KRT73: variants seen among roughly 807,000 people sequenced by gnomAD.
KRT73 encodes the protein keratin, type II cytoskeletal 73.
In KRT73, 44 loss-of-function variants were observed where a neutral mutation model predicts 47.2. That is an observed-to-expected ratio of 0.93 (90% confidence interval 0.73 to 1.20). The LOEUF is 1.20. Ranked by LOEUF, KRT73 falls within the 50% of genes most tolerant of loss-of-function variation. KRT73 has a pLI of 0.00. For missense variants in KRT73, 713 were observed against 704.5 expected, an observed-to-expected ratio of 1.01 and a Z score of -0.14; for synonymous variants, 285 against 291.3, an observed-to-expected ratio of 0.98 and a Z score of 0.22.
chr12:52,611,312 T>C lies in KRT73; in HGVS notation c.1002A>G (p.Leu334=), dbSNP rs773448049. Residue 334 remains leucine, a synonymous_variant, in exon 6 of 9, where the codon CTA becomes CTG. Transcript: ENST00000305748. The stretch of plus-strand genomic sequence containing the variant: ...GGTCATCCCCATGCCGGCCGGCTGC[T>C]AGCTGCAGCTCCTGGAACTAGAGGA... The part of the protein sequence containing the change: ...LYQTKFQELQ[L]AAGRHGDDLK... 19 of 1,614,012 alleles carry C rather than the reference T, an allele frequency of 1.2e-5. No individual in the cohort carries two copies. The highest frequency in any genetic ancestry group is 5.3e-5 in the African/African-American group (4 of 74,922).
At position 52,618,384 on chromosome 12, in the gene KRT73, G is replaced by A. The variant is rs758831149; in HGVS notation, c.141C>T (p.Ser47=). ...TCCGGGCACCCCCCAGGCTGTAAAG[G>A]CTCCGACTGCTGAAGCCTCCACTGA... ...KGLSGGFSSR[S]LYSLGGARSI... Residue 47 remains serine, a synonymous_variant, in exon 1 of 9, where the codon AGC becomes AGT. Coordinates refer to ENST00000305748, the MANE Select transcript of KRT73 (RefSeq NM_175068.3). The A allele has an allele frequency of 1.9e-6, 3 of 1,614,164 alleles. No homozygotes were observed. Among genetic ancestry groups the A allele is most frequent in the Non-Finnish European group, 2.5e-6 (3 of 1,180,042 alleles).
chr12:52,628,183 A>G, the KRT73 span, among the ~76,000 whole-genome samples: 1 of 152,134 alleles, frequency 6.6e-6, no homozygotes, highest in Non-Finnish European at 1.5e-5. Context: ...CACACTGGAC[A>G]TCATTTCAAA....
intron 7 of KRT73, 64 bp from the exon 8 acceptor site, chr12:52,609,345 C>T: frequency 7.2e-7 from 1 of 1,392,054 alleles, no homozygotes; most frequent in South Asian, 1.2e-5. Context: ...CCCTCACTGC[C>T]TAAACACAGG....
the KRT73 span, among the ~76,000 whole-genome samples, chr12:52,629,026 C>T: frequency 6.6e-6 from 1 of 152,180 alleles, no homozygotes; most frequent in Non-Finnish European, 1.5e-5. Flanking sequence ...TCAGGACCAG[C>T]ATGTGCAGGA....
Position 52,613,788 on chromosome 12 carries a change from C to T in KRT73, c.884G>A (p.Arg295Gln), listed in dbSNP as rs201821664. Reference protein sequence around the residue: ...TSIILSMDNNRNLDLDSIIAE... With the variant: ...TSIILSMDNNQNLDLDSIIAE... Reference sequence around the variant, plus strand: ...AATGATGCTGTCCAGGTCCAGGTTCCGGTTGTTGTCCATGGACAGGATGAT... The same window carrying T: ...AATGATGCTGTCCAGGTCCAGGTTCTGGTTGTTGTCCATGGACAGGATGAT... Residue 295 changes from arginine (R) to glutamine (Q), a missense_variant, in exon 5 of 9, where the codon CGG becomes CAG. By Grantham distance (43) the Arg-to-Gln change is conservative (BLOSUM62 1). Transcript: ENST00000305748. 3.7e-5 allele frequency: 60 copies of T among 1,614,100 alleles called. No individual in the cohort carries two copies. The highest frequency in any genetic ancestry group is 3.3e-4 in the Middle Eastern group (2 of 6,084).
upstream of KRT73, among the ~76,000 whole-genome samples, chr12:52,619,120 G>C (rs544695080): frequency 7.2e-5 from 11 of 152,362 alleles, no homozygotes; most frequent in South Asian, 1.2e-3. Flanking sequence ...GCCCCCTGCT[G>C]TGCCCTCCCA....
rs73320386 is a variant in KRT73, at chr12:52,610,517, C to T, written c.1331+98G>A. 3,083 of 487,622 alleles carry T rather than the reference C, an allele frequency of 6.3e-3. 66 individuals carry two copies. The highest frequency in any genetic ancestry group is 0.056 in the African/African-American group (2,834 of 50,806). 30.2% of individuals were successfully genotyped at this position (487,622 alleles called of 1,614,324 possible). A position where few individuals can be genotyped will look rare whatever the true frequency, so the allele number is the denominator to read the frequency against. ...ATGCTTGTGGGTGAAGTAAACACAT[C>T]GCCAGCTCGCCGCCCCCTCCCCCCC... On this transcript the variant is annotated intron_variant, in intron 7 of 8. Transcript: ENST00000305748.
rs1940618147 is a variant in KRT73, at chr12:52,608,034, A to G, written c.*162T>C. 1.3e-6 allele frequency: 1 copy of G among 741,418 alleles called. No homozygotes were observed. The highest frequency in any genetic ancestry group is 2.6e-5 in the Admixed American group (1 of 37,746). The allele number at this position is 741,418 out of a possible 1,614,324, so 45.9% of individuals were successfully genotyped here. A position where few individuals can be genotyped will look rare whatever the true frequency, so the allele number is the denominator to read the frequency against. ...GCTCTCAAATCCTGATTCAACATTAACAAAGACTGAGGCAGAGAGGTCAAG... is the reference window on the plus strand; with the variant it reads ...GCTCTCAAATCCTGATTCAACATTAGCAAAGACTGAGGCAGAGAGGTCAAG... On this transcript the variant is annotated 3_prime_UTR_variant, in exon 9 of 9. Coordinates refer to ENST00000305748, the MANE Select transcript of KRT73 (RefSeq NM_175068.3).
chr12:52,618,184 A>G lies in KRT73; in HGVS notation c.341T>C (p.Leu114Pro), dbSNP rs777602362. The G allele has an allele frequency of 5.6e-6, 9 of 1,613,916 alleles. No homozygotes were observed. The Admixed American group carries it at 8.3e-5, about 15-fold the overall frequency. The change falls in exon 1 of 9, where the codon CTG becomes CCG. Residue 114 changes from leucine (L) to proline (P), a missense_variant. By Grantham distance (98) the Leu-to-Pro change is moderately conservative. Transcript: ENST00000305748. ...IHQVTINKSL[L>P]APLNVELDPE... Reference sequence around the variant, plus strand: ...GTCCAGCTCCACGTTCAGGGGTGCCAGGAGGCTCTTGTTGATGGTGACCTG... The same window carrying G: ...GTCCAGCTCCACGTTCAGGGGTGCCGGGAGGCTCTTGTTGATGGTGACCTG...
At chr12:52,624,985 A>T in the KRT73 span, among the ~76,000 whole-genome samples, 1 of 152,182 alleles carries the variant, frequency 6.6e-6, no homozygotes, top group Non-Finnish European at 1.5e-5. Flanking sequence ...CATATTTTGC[A>T]CAAAAATTAA....
chr12:52,623,312 A>C (rs1224320232), upstream of KRT73, among the ~76,000 whole-genome samples: 2 of 152,254 alleles, frequency 1.3e-5, no homozygotes, highest in Non-Finnish European at 2.9e-5. Context: ...GGAGGCTAGC[A>C]GGGAGTGGCA....
the KRT73 span, among the ~76,000 whole-genome samples, chr12:52,625,989 G>C: frequency 1.4e-4 from 1 of 6,974 alleles, no homozygotes; most frequent in African/African-American, 5.3e-4. Flanking sequence ...GTAATTGCTT[G>C]GGGGTTAAAC....
intron 4 of KRT73, chr12:52,614,173 G>C: frequency 2.9e-6 from 1 of 347,114 alleles, no homozygotes; most frequent in Non-Finnish European, 5.2e-6. Context: ...AGAAATGCTT[G>C]GCCAATAGGT....
At chr12:52,615,384 G>A in intron 2 of KRT73, 45 bp from the exon 3 acceptor site, 4 of 1,464,622 alleles carry the variant, frequency 2.7e-6, no homozygotes, top group South Asian at 2.3e-5. Context: ...GTCTGTGTGT[G>A]TGTGTATACG....
At chr12:52,611,068 G>T in intron 6 of KRT73, 136 bp downstream of exon 6, 1 of 1,163,362 alleles carries the variant, frequency 8.6e-7, no homozygotes, top group Non-Finnish European at 1.2e-6. Context: ...GGAGCTAAGG[G>T]TGAGGGATGA....
intron 8 of KRT73, among the ~76,000 whole-genome samples, chr12:52,608,905 C>A (rs1424276614): frequency 6.6e-6 from 1 of 152,216 alleles, no homozygotes; most frequent in Non-Finnish European, 1.5e-5. Context: ...AGTCTCCACT[C>A]CCATTGAGGA....
chr12:52,613,909 G>A, intron 4 of KRT73, 57 bp from the exon 5 acceptor site: 1 of 1,586,484 alleles, frequency 6.3e-7, no homozygotes, highest in Non-Finnish European at 8.6e-7. Flanking sequence ...AAGGTCCCAA[G>A]GTGATGGCCC....
upstream of KRT73, among the ~76,000 whole-genome samples, chr12:52,622,353 T>C (rs61929574): frequency 0.076 from 11,568 of 152,250 alleles, 686 homozygotes; most frequent in African/African-American, 0.17. Context: ...CATCCCCAAC[T>C]TGCTTGTTTT....
chr12:52,610,526 G>GCCTC, intron 7 of KRT73, 89 bp downstream of exon 7: 1 of 401,430 alleles, frequency 2.5e-6, no homozygotes, highest in Non-Finnish European at 5.0e-6. Context: ...TCGCCAGCTC[G>GCCTC]CCGCCCCCTC....
Sources: gnomAD v4.1 joint callset for allele counts (sites outside exome capture counted in the v4.1 genomes callset) on GRCh38, gnomAD v4.1.1 for gene constraint, MANE v1.5 for transcripts, NCBI Gene and HGNC (gene_info 2026-07-23, HGNC 2026-07-21) for gene names.